The following NEDD4L variants were observed in gnomAD, a reference collection of about 807,000 sequenced individuals.
The protein encoded by NEDD4L is NEDD4 like E3 ubiquitin protein ligase, also known as E3 ubiquitin-protein ligase NEDD4-like.
Under a neutral mutation model 148.9 loss-of-function variants are expected in NEDD4L, and 54 were observed. The observed-to-expected ratio is 0.36, with a 90% confidence interval of 0.29 to 0.45. The LOEUF (loss-of-function observed/expected upper bound fraction) is 0.45, where lower values mean the gene tolerates loss of function less well. NEDD4L is among the 20% of genes least tolerant of loss of function. The pLI is 1.00. For synonymous variants in NEDD4L, 433 were observed against 440.7 expected (o/e 0.98, Z 0.22); for missense variants, 856 against 1,233.8 (o/e 0.69, Z 4.59).
intron 2 of NEDD4L, among the ~76,000 whole-genome samples, chr18:58,166,235 G>A (rs1366495187): frequency 6.6e-6 from 1 of 152,196 alleles, no homozygotes; most frequent in Non-Finnish European, 1.5e-5. Context: ...TTGTTTCTAG[G>A]AGAACTGGAT....
At chr18:58,386,030 C>T (rs2048965784) in intron 26 of NEDD4L, among the ~76,000 whole-genome samples, 1 of 149,332 alleles carries the variant, frequency 6.7e-6, no homozygotes, top group Non-Finnish European at 1.5e-5. Context: ...ATCACTGCTG[C>T]CTGGGCTTGA....
At chr18:58,125,441 C>CCCTTCTTTGTTCACCT (rs2030884662) in intron 1 of NEDD4L, among the ~76,000 whole-genome samples, 1 of 152,096 alleles carries the variant, frequency 6.6e-6, no homozygotes, top group South Asian at 2.1e-4. Flanking sequence ...TCTGGCCACC[C>CCCTTCTTTGTTCACCT]CCTTCTTTGT....
intron 5 of NEDD4L, among the ~76,000 whole-genome samples, chr18:58,258,998 C>T (rs899260778): frequency 6.6e-6 from 1 of 152,172 alleles, no homozygotes; most frequent in Non-Finnish European, 1.5e-5. Flanking sequence ...ATTAAGTTTA[C>T]ATGAAAAATT....
In NEDD4L at chr18:58,138,366, C is replaced by T. The variant is rs532701507; in HGVS notation, c.49-27422C>T. Among the ~76,000 whole-genome samples the T allele has an allele frequency of 2.0e-5, 3 of 148,708 alleles. No homozygotes were observed. The South Asian group carries it at 6.7e-4, about 33-fold the overall frequency. ...CCTCTTCCCTCCCCTCCTCCTCTTC[C>T]CTCCCCTCCTCCTCTTTCCTCCCCT... On this transcript the variant is annotated intron_variant, in intron 1 of 30. Transcript: ENST00000400345.
intron 8 of NEDD4L, 77 bp from the exon 9 acceptor site, chr18:58,324,919 C>T (rs2059177167): frequency 7.5e-7 from 1 of 1,334,714 alleles, no homozygotes; most frequent in African/African-American, 1.4e-5. Flanking sequence ...GAAGGGCATG[C>T]AGGGCATGCT....
intron 1 of NEDD4L, among the ~76,000 whole-genome samples, chr18:58,146,522 A>G (rs964532818): frequency 4.6e-5 from 7 of 151,278 alleles, no homozygotes; most frequent in Non-Finnish European, 7.4e-5. Context: ...AATAAGGAGG[A>G]CTCTTCATGA....
chr18:58,274,910 G>A (rs1354241378), intron 5 of NEDD4L, among the ~76,000 whole-genome samples: 1 of 152,172 alleles, frequency 6.6e-6, no homozygotes, highest in Non-Finnish European at 1.5e-5. Flanking sequence ...TTTGATTTCT[G>A]TAGCATCTGA....
chr18:58,091,809 T>G (rs185175939), intron 1 of NEDD4L, among the ~76,000 whole-genome samples: 5 of 152,220 alleles, frequency 3.3e-5, no homozygotes, highest in African/African-American at 1.2e-4. Context: ...TTTGTCTTAA[T>G]GTAAATGCAC....
chr18:58,276,212 T>TTTTTTTTTG lies in NEDD4L; in HGVS notation c.297+24158_297+24159insTTTTTTTTG. Among the ~76,000 whole-genome samples the TTTTTTTTTG allele has an allele frequency of 1.9e-5, 2 of 103,448 alleles. 1 individual carries two copies. Among genetic ancestry groups the TTTTTTTTTG allele is most frequent in the African/African-American group, 7.3e-5 (2 of 27,506 alleles). The allele number at this position is 103,448 out of a possible 152,430, so 67.9% of individuals were successfully genotyped here. ...CTTTTTCGTTTTTTTTTTTTTTTTT[T>TTTTTTTTTG]GGGTGGGGAGGGGGGTGGTTTTCTG... On this transcript the variant is annotated intron_variant, in intron 5 of 30. Transcript: ENST00000400345.
At chr18:58,220,753 A>G (rs1282512551) in intron 2 of NEDD4L, among the ~76,000 whole-genome samples, 1 of 152,184 alleles carries the variant, frequency 6.6e-6, no homozygotes, top group Non-Finnish European at 1.5e-5. Flanking sequence ...GTTGGAGAGT[A>G]GGGTGTGACT....
At chr18:58,166,675 A>C (rs894634849) in intron 2 of NEDD4L, among the ~76,000 whole-genome samples, 6 of 152,242 alleles carry the variant, frequency 3.9e-5, no homozygotes, top group Non-Finnish European at 8.8e-5. Flanking sequence ...GAGGAGTGAC[A>C]GGAACACTCC....
At chr18:58,127,249 C>T (rs1324904064) in intron 1 of NEDD4L, among the ~76,000 whole-genome samples, 1 of 152,228 alleles carries the variant, frequency 6.6e-6, no homozygotes, top group African/African-American at 2.4e-5. Context: ...ATTGTAGGTG[C>T]TCCGTAGACA....
At chr18:58,077,153 A>G (rs1241737404) in intron 1 of NEDD4L, among the ~76,000 whole-genome samples, 2 of 134,986 alleles carry the variant, frequency 1.5e-5, no homozygotes, top group Admixed American at 7.8e-5. Context: ...ACCCAGCCTC[A>G]TAACGGCTTT....
chr18:58,242,104 G>A (rs2046703784), intron 2 of NEDD4L, among the ~76,000 whole-genome samples: 1 of 152,276 alleles, frequency 6.6e-6, no homozygotes, highest in South Asian at 2.1e-4. Context: ...TATGAATAAT[G>A]AGGAGGCGTG....
chr18:58,213,243 T>G (rs575780529), intron 2 of NEDD4L, among the ~76,000 whole-genome samples: 1 of 152,340 alleles, frequency 6.6e-6, no homozygotes, highest in African/African-American at 2.4e-5. Flanking sequence ...GTTATTTGTC[T>G]TTTAGAAATA....
At chr18:58,370,265 C>G (rs2046679503) in intron 22 of NEDD4L, 132 bp from the exon 23 acceptor site, 1 of 662,054 alleles carries the variant, frequency 1.5e-6, no homozygotes, top group Non-Finnish European at 2.8e-6. Flanking sequence ...TTGTGCAATA[C>G]TGTAGAAGGC....
intron 1 of NEDD4L, among the ~76,000 whole-genome samples, chr18:58,048,191 C>T (rs1033018870): frequency 1.3e-5 from 2 of 152,154 alleles, no homozygotes; most frequent in African/African-American, 4.8e-5. Context: ...TGCATTATGT[C>T]CTTTGAGATG....
At chr18:58,287,633 C>T (rs796711004) in intron 5 of NEDD4L, among the ~76,000 whole-genome samples, 36 of 152,292 alleles carry the variant, frequency 2.4e-4, no homozygotes, top group African/African-American at 7.9e-4. Context: ...GTAAATATTC[C>T]TGCAATATGC....
chr18:58,323,243 G>C lies in NEDD4L; in HGVS notation c.422G>C (p.Arg141Pro). 6.3e-7 allele frequency: 1 copy of C among 1,597,588 alleles called. No individual in the cohort carries two copies. The highest frequency in any genetic ancestry group is 1.1e-5 in the South Asian group (1 of 88,496). The change falls in exon 8 of 31, where the codon CGA becomes CCA. Residue 141 changes from arginine (R) to proline (P), a missense_variant. Physicochemically the swap from Arg to Pro is moderately radical, Grantham distance 103. This residue lies in a region of NEDD4L where 193 missense variants were observed against 244.2 expected (regional missense o/e 0.79). Coordinates refer to ENST00000400345, the MANE Select transcript of NEDD4L (RefSeq NM_001144967.3). ...CATTATGTGTGCAGTCATAAGTCTC[G>C]AGTTAAGGGATTTTTGCGATTGAAA... ...FLLRPRSHKSRVKGFLRLKMA... is the reference protein window; with the variant it reads ...FLLRPRSHKSPVKGFLRLKMA...
Sources: allele counts gnomAD v4.1 joint callset (sites outside exome capture counted in the v4.1 genomes callset), GRCh38; gene constraint gnomAD v4.1.1; regional missense constraint gnomAD v4.1.1; transcripts MANE v1.5; gene names NCBI Gene and HGNC (gene_info 2026-07-23, HGNC 2026-07-21).